The following RNPC3 variants were observed in gnomAD, a reference collection of about 807,000 sequenced individuals.
RNPC3 encodes RNA binding region (RNP1, RRM) containing 3.
Under a neutral mutation model 67.5 loss-of-function variants are expected in RNPC3, and 48 were observed. That is an observed-to-expected ratio of 0.71 (90% CI 0.56 to 0.90). RNPC3 has a LOEUF of 0.90. Ranked by LOEUF, RNPC3 falls within the 40% of genes least tolerant of loss-of-function variation. RNPC3 has a pLI of 0.00. For missense variants in RNPC3, 637 were observed against 626.1 expected (o/e 1.02, Z -0.19); for synonymous variants, 239 against 210.3 (o/e 1.14, Z -1.18).
chr1:103,529,457 G>C (rs1650788543), intron 2 of RNPC3, among the ~76,000 whole-genome samples: 1 of 152,168 alleles, frequency 6.6e-6, no homozygotes, highest in South Asian at 2.1e-4. Context: ...TTTTAGGCTA[G>C]AGAGCATTTG....
chr1:103,535,140 A>G (rs1650949734), intron 4 of RNPC3, among the ~76,000 whole-genome samples, 190 bp from the exon 5 acceptor site: 1 of 152,058 alleles, frequency 6.6e-6, no homozygotes, highest in Non-Finnish European at 1.5e-5. Context: ...CAGAGCTACA[A>G]GATAAACCTC....
intron 1 of RNPC3, among the ~76,000 whole-genome samples, chr1:103,527,490 G>T (rs906622222): frequency 6.6e-6 from 1 of 152,142 alleles, no homozygotes; most frequent in African/African-American, 2.4e-5. Flanking sequence ...TATGATAGAG[G>T]TTGCATAGCT....
intron 6 of RNPC3, among the ~76,000 whole-genome samples, chr1:103,536,533 A>G (rs371212489): frequency 6.6e-6 from 1 of 152,202 alleles, no homozygotes; most frequent in East Asian, 1.9e-4. Context: ...TTTTTTGCAA[A>G]AGACGAAAAA....
chr1:103,530,619 G>C (rs989502777), intron 2 of RNPC3, among the ~76,000 whole-genome samples: 1 of 152,160 alleles, frequency 6.6e-6, no homozygotes, highest in African/African-American at 2.4e-5. Context: ...TTAGATTGCT[G>C]TCAGTAAAAT....
intron 2 of RNPC3, among the ~76,000 whole-genome samples, chr1:103,528,367 A>G (rs190212768): frequency 1.4e-4 from 22 of 152,338 alleles, no homozygotes; most frequent in African/African-American, 5.3e-4. Flanking sequence ...CATGGATTGG[A>G]TGTGCAGAAT....
chr1:103,550,622 CAG>C (rs756307127), intron 12 of RNPC3, among the ~76,000 whole-genome samples: 126 of 118,452 alleles, frequency 1.1e-3, no homozygotes, highest in Non-Finnish European at 1.8e-3. Context: ...GCCTGGGTGA[CAG>C]AGTGAGACTC....
In RNPC3 at chr1:103,527,710, G is replaced by T. The variant is rs1210134702; in HGVS notation, c.208G>T (p.Ala70Ser). 3.9e-6 allele frequency: 6 copies of T among 1,548,538 alleles called. No individual in the cohort carries two copies. Among genetic ancestry groups the T allele is most frequent in the South Asian group, 3.6e-5 (3 of 83,684 alleles). ...DKGRLKHTAF[A>S]TFPNEKAAIK... is the part of the protein sequence containing the mutation. The stretch of plus-strand genomic sequence containing the variant: ...TCTGTTTCAGAAACATACAGCTTTT[G>T]CCACATTCCCTAATGAAAAAGCAGC... The change falls in exon 2 of 15, where the codon GCC becomes TCC. Residue 70 changes from alanine (A) to serine (S), a missense_variant. Ala to Ser is a moderately conservative substitution (Grantham distance 99, BLOSUM62 1). Around this residue, in one of 3 missense-constraint regions of RNPC3, gnomAD observed 536 missense variants for 500.3 expected, o/e 1.07. Transcript: ENST00000423855.
chr1:103,531,141 C>T (rs140842403), intron 2 of RNPC3, among the ~76,000 whole-genome samples: 13,737 of 152,112 alleles, frequency 0.09, 658 homozygotes, highest in Middle Eastern at 0.22. Context: ...TAATGGTCTC[C>T]CATTCCATCT....
chr1:103,534,847 C>A lies in RNPC3; in HGVS notation c.433C>A (p.Pro145Thr). Residue 145 changes from proline (P) to threonine (T), a missense_variant, in exon 4 of 15, where the codon CCA becomes ACA. Transcript: ENST00000423855. ...GYLTVENGIA[P>T]NHGLTFPLNS... ...TTTAACAGTAGAAAATGGAATTGCA[C>A]CAAACCATGGGTTAGCATTTTTGTT... 2 of 1,528,472 alleles carry A rather than the reference C, an allele frequency of 1.3e-6. No individual in the cohort carries two copies. Among genetic ancestry groups the A allele is most frequent in the Non-Finnish European group, 1.8e-6 (2 of 1,141,524 alleles). The allele number at this position is 1,528,472 out of a possible 1,614,324, so 94.7% of individuals were successfully genotyped here. A position where few individuals can be genotyped will look rare whatever the true frequency, so the allele number is the denominator to read the frequency against.
Sources: allele counts gnomAD v4.1 joint callset (sites outside exome capture counted in the v4.1 genomes callset), GRCh38; gene constraint gnomAD v4.1.1; regional missense constraint gnomAD v4.1.1; transcripts MANE v1.5; gene names NCBI Gene and HGNC (gene_info 2026-07-23, HGNC 2026-07-21).